Variants in SPAG16 observed in about 807,000 individuals in gnomAD.
SPAG16 encodes the protein sperm associated antigen 16.
Under a neutral mutation model 80.4 loss-of-function variants are expected in SPAG16, and 86 were observed. That is an observed-to-expected ratio of 1.07 (90% CI 0.90 to 1.28). The LOEUF (loss-of-function observed/expected upper bound fraction) is 1.28, where lower values mean the gene tolerates loss of function less well. Among genes scored for constraint, SPAG16 ranks in the 50% most tolerant of loss-of-function variants. SPAG16 has a pLI of 0.00. For synonymous variants in SPAG16, 294 were observed against 265.9 expected (o/e 1.11, Z -1.03); for missense variants, 870 against 765.3 (o/e 1.14, Z -1.61).
chr2:214,208,088 C>A (rs2058195713), intron 15 of SPAG16, among the ~76,000 whole-genome samples: 1 of 152,158 alleles, frequency 6.6e-6, no homozygotes, highest in Non-Finnish European at 1.5e-5. Context: ...TCATGTGCAC[C>A]AATTCTCCTT....
intron 14 of SPAG16, among the ~76,000 whole-genome samples, chr2:214,133,974 C>T (rs765431223): frequency 5.3e-5 from 8 of 152,074 alleles, no homozygotes; most frequent in Non-Finnish European, 1.0e-4. Context: ...GTGAGAAATG[C>T]TATCAGTAGT....
At chr2:213,999,095 A>G (rs998094555) in intron 12 of SPAG16, among the ~76,000 whole-genome samples, 3 of 152,208 alleles carry the variant, frequency 2.0e-5, no homozygotes, top group Non-Finnish European at 4.4e-5. Context: ...AGAAATTTGC[A>G]TAAGTAACAA....
chr2:213,967,054 C>T (rs541551812), intron 12 of SPAG16, among the ~76,000 whole-genome samples: 17 of 152,302 alleles, frequency 1.1e-4, no homozygotes, highest in African/African-American at 4.1e-4. Context: ...TTTTGAATAA[C>T]TTAGTTCAAT....
At chr2:214,122,599 T>G (rs145011368) in intron 14 of SPAG16, among the ~76,000 whole-genome samples, 3 of 151,996 alleles carry the variant, frequency 2.0e-5, no homozygotes, top group Non-Finnish European at 3.0e-5. Context: ...AAACAACAAT[T>G]AGGTCATACA....
intron 13 of SPAG16, among the ~76,000 whole-genome samples, chr2:214,040,380 TC>T (rs2048942594): frequency 6.6e-6 from 1 of 152,170 alleles, no homozygotes; most frequent in African/African-American, 2.4e-5. Context: ...GTTTGTTTCA[TC>T]ACCCAGTTAT....
intron 12 of SPAG16, among the ~76,000 whole-genome samples, chr2:213,974,960 A>AAAG (rs200377321): frequency 0.015 from 2,216 of 151,072 alleles, 67 homozygotes; most frequent in African/African-American, 0.051. Flanking sequence ...AAAAAAAAAA[A>AAAG]AAAAACACAA....
chr2:214,285,047 C>T (rs1693251721), intron 15 of SPAG16, among the ~76,000 whole-genome samples: 1 of 152,112 alleles, frequency 6.6e-6, no homozygotes, highest in South Asian at 2.1e-4. Context: ...TGAGGAACCT[C>T]CATACTGTTT....
At chr2:214,015,790 T>G (rs1219944621) in intron 13 of SPAG16, among the ~76,000 whole-genome samples, 1 of 152,088 alleles carries the variant, frequency 6.6e-6, no homozygotes, top group African/African-American at 2.4e-5. Flanking sequence ...TTCAGTTGGC[T>G]GGGGGAGGGC....
intron 13 of SPAG16, among the ~76,000 whole-genome samples, chr2:214,097,788 T>C (rs1354881383): frequency 6.6e-6 from 1 of 152,060 alleles, no homozygotes; most frequent in Admixed American, 6.6e-5. Flanking sequence ...TCATCTCTGC[T>C]ATCATAGAGC....
At chr2:213,388,008 T>C (rs1254542488) in intron 9 of SPAG16, among the ~76,000 whole-genome samples, 1 of 152,154 alleles carries the variant, frequency 6.6e-6, no homozygotes, top group Non-Finnish European at 1.5e-5. Flanking sequence ...GATATAATGA[T>C]TTGGAAAGTC....
intron 13 of SPAG16, among the ~76,000 whole-genome samples, chr2:214,097,645 A>G (rs2052684992): frequency 6.6e-6 from 1 of 151,942 alleles, no homozygotes; most frequent in Admixed American, 6.6e-5. Context: ...TGAAGGGTGC[A>G]TTTACCAAAC....
At chr2:214,210,655 A>C (rs2058267031) in intron 15 of SPAG16, among the ~76,000 whole-genome samples, 1 of 152,126 alleles carries the variant, frequency 6.6e-6, no homozygotes, top group South Asian at 2.1e-4. Flanking sequence ...AAATGATTGG[A>C]AAAAAGAAGA....
At chr2:213,939,649 G>A (rs1422927259) in intron 12 of SPAG16, among the ~76,000 whole-genome samples, 1 of 152,138 alleles carries the variant, frequency 6.6e-6, no homozygotes, top group African/African-American at 2.4e-5. Flanking sequence ...AAGATCATTT[G>A]AAGCGGTTTT....
intron 12 of SPAG16, among the ~76,000 whole-genome samples, chr2:213,972,330 G>A (rs998692850): frequency 1.3e-5 from 2 of 151,616 alleles, no homozygotes; most frequent in African/African-American, 4.8e-5. Flanking sequence ...TTATTGTGAG[G>A]GACTAACTTA....
chr2:214,142,571 G>A (rs1466711045), intron 14 of SPAG16, among the ~76,000 whole-genome samples: 1 of 151,964 alleles, frequency 6.6e-6, no homozygotes, highest in Admixed American at 6.6e-5. Flanking sequence ...CTTTGCCCCA[G>A]GTCTCCCAGG....
At chr2:213,323,153 A>G (rs954920948) in intron 5 of SPAG16, among the ~76,000 whole-genome samples, 1 of 152,184 alleles carries the variant, frequency 6.6e-6, no homozygotes, top group African/African-American at 2.4e-5. Flanking sequence ...AAAAACACAA[A>G]CAATATGTCC....
intron 14 of SPAG16, among the ~76,000 whole-genome samples, chr2:214,136,862 A>G (rs1481195441): frequency 6.6e-6 from 1 of 152,158 alleles, no homozygotes; most frequent in African/African-American, 2.4e-5. Flanking sequence ...TTTCCTCCTA[A>G]TGAGCCTAAA....
intron 12 of SPAG16, among the ~76,000 whole-genome samples, chr2:213,933,725 G>C (rs981896488): frequency 6.6e-6 from 1 of 152,230 alleles, no homozygotes. Context: ...ATAAATCTGT[G>C]GCCCTTATTT....
At chr2:214,000,824 G>C (rs1052405779) in intron 12 of SPAG16, among the ~76,000 whole-genome samples, 9 of 152,152 alleles carry the variant, frequency 5.9e-5, no homozygotes, top group Non-Finnish European at 1.0e-4. Flanking sequence ...AAACAGGTGG[G>C]TTAAATAGAT....
Sources: allele counts gnomAD v4.1 joint callset (sites outside exome capture counted in the v4.1 genomes callset), GRCh38; gene constraint gnomAD v4.1.1; transcripts MANE v1.5; gene names NCBI Gene and HGNC (gene_info 2026-07-23, HGNC 2026-07-21).